The following PDS5B variants were observed in gnomAD, a reference collection of about 807,000 sequenced individuals.
PDS5B encodes the protein sister chromatid cohesion protein PDS5 homolog B.
In PDS5B, 51 loss-of-function variants were observed where a neutral mutation model predicts 184.1. That is an observed-to-expected ratio of 0.28 (90% CI 0.22 to 0.35). The LOEUF (loss-of-function observed/expected upper bound fraction) is 0.35, where lower values mean the gene tolerates loss of function less well. PDS5B is among the 10% of genes least tolerant of loss of function. PDS5B has a pLI of 1.00. For synonymous variants in PDS5B, 566 were observed against 569.2 expected, an observed-to-expected ratio of 0.99 and a Z score of 0.08; for missense variants, 1,180 against 1,723.3, an observed-to-expected ratio of 0.68 and a Z score of 5.58.
intron 21 of PDS5B, among the ~76,000 whole-genome samples, chr13:32,737,846 A>G (rs544185878): frequency 6.6e-6 from 1 of 152,220 alleles, no homozygotes; most frequent in African/African-American, 2.4e-5. Flanking sequence ...TTACTCTTCA[A>G]TCCTTTCTAC....
chr13:32,632,542 C>T (rs755776695), intron 1 of PDS5B, among the ~76,000 whole-genome samples: 2 of 152,204 alleles, frequency 1.3e-5, no homozygotes, highest in East Asian at 3.9e-4. Flanking sequence ...AAAATTGGAG[C>T]CCTCATTTGC....
In PDS5B at chr13:32,732,206, G is replaced by C; in HGVS notation, c.2229G>C (p.Gln743His). 6.2e-7 allele frequency: 1 copy of C among 1,606,906 alleles called. No individual in the cohort carries two copies. Among genetic ancestry groups the C allele is most frequent in the African/African-American group, 1.3e-5 (1 of 74,698 alleles). The change falls in exon 20 of 35, where the codon CAG (glutamine) becomes CAC (histidine). Residue 743 changes from glutamine to histidine, a missense_variant. Gln to His is a conservative substitution (Grantham distance 24, BLOSUM62 0). This residue lies in a region of PDS5B where 475 missense variants were observed against 691.5 expected (regional missense o/e 0.69). Coordinates refer to ENST00000315596, the MANE Select transcript of PDS5B (RefSeq NM_015032.4). ...CGATATTTTCTAGTAAAGAGACCCA[G>C]TTTGCACAGATATTTGAGGTAATGA... ...IHAIFSSKET[Q>H]FAQIFEPLHK...
chr13:32,774,969 T>C (rs777382110), intron 34 of PDS5B, 48 bp from the exon 35 acceptor site: 3 of 1,514,916 alleles, frequency 2.0e-6, no homozygotes, highest in East Asian at 2.3e-5. Flanking sequence ...GCATATCTTA[T>C]GCACATATAC....
chr13:32,681,096 C>G (rs1018607267), intron 10 of PDS5B, among the ~76,000 whole-genome samples: 2 of 152,150 alleles, frequency 1.3e-5, no homozygotes. Flanking sequence ...CCTTCTTAGG[C>G]TCATATTGGC....
intron 7 of PDS5B, among the ~76,000 whole-genome samples, chr13:32,670,394 T>G (rs1313226399): frequency 6.6e-6 from 1 of 152,172 alleles, no homozygotes; most frequent in Non-Finnish European, 1.5e-5. Flanking sequence ...TTTTTCCTTT[T>G]TTAAAAAACT....
intron 19 of PDS5B, among the ~76,000 whole-genome samples, chr13:32,723,160 G>A (rs1176340227): frequency 6.6e-6 from 1 of 151,956 alleles, no homozygotes; most frequent in Non-Finnish European, 1.5e-5. Context: ...AAAGAATAGT[G>A]CTTAGCAATA....
rs1593440334 is a variant in PDS5B at position 32,692,414 on chromosome 13, C to CTTTTTTTTTTTTTTTTTTTTTTTTTT, written c.1470-1809_1470-1808insTTTTTTTTTTTTTTTTTTTTTTTTTT. ...ATTAAACAAGTTTGCGTCCAAAAAG[C>CTTTTTTTTTTTTTTTTTTTTTTTTTT]CTTTTTTTTTTTTTTTTTTTTTTTT... On this transcript the variant is annotated intron_variant, in intron 13 of 34. Coordinates refer to ENST00000315596, the MANE Select transcript of PDS5B (RefSeq NM_015032.4). Among the ~76,000 whole-genome samples the CTTTTTTTTTTTTTTTTTTTTTTTTTT allele has an allele frequency of 3.5e-4, 24 of 69,152 alleles. 11 individuals carry two copies. The highest frequency in any genetic ancestry group is 2.8e-4 in the Non-Finnish European group (10 of 35,740). The allele number at this position is 69,152 out of a possible 152,430, so 45.4% of individuals were successfully genotyped here.
rs931219897 is a variant in PDS5B, at chr13:32,775,539, T to A, written c.*487T>A. On this transcript the variant is annotated 3_prime_UTR_variant, in exon 35 of 35. Transcript: ENST00000315596. ...ATTGGTGTCATTTTCTTGATGTCAC[T>A]ATTTGTTGGAGAGTTAAATGGTCTC... 2.7e-6 allele frequency: 1 copy of A among 376,166 alleles called. No individual in the cohort carries two copies. Among genetic ancestry groups the A allele is most frequent in the African/African-American group, 2.2e-5 (1 of 46,312 alleles). 23.3% of individuals were successfully genotyped at this position (376,166 alleles called of 1,614,324 possible).
chr13:32,750,417 TCTC>T lies in PDS5B; in HGVS notation c.2737-2911_2737-2909del, dbSNP rs1364949295. Among the ~76,000 whole-genome samples, 3 of 152,176 alleles carry T rather than the reference TCTC, an allele frequency of 2.0e-5. No homozygotes were observed. The East Asian group carries it at 5.8e-4, about 29-fold the overall frequency. Reference sequence around the variant, plus strand: ...ATAGTAAATCTATAACGGAGACTCCTCTCCTCTGTGGGACTGATACTGAGGGCG... The same window carrying T: ...ATAGTAAATCTATAACGGAGACTCCTCTCTGTGGGACTGATACTGAGGGCG... On this transcript the variant is annotated intron_variant, in intron 24 of 34. Transcript: ENST00000315596.
At chr13:32,756,118 T>A (rs1954168491) in intron 26 of PDS5B, among the ~76,000 whole-genome samples, 162 bp downstream of exon 26, 1 of 152,128 alleles carries the variant, frequency 6.6e-6, no homozygotes, top group African/African-American at 2.4e-5. Flanking sequence ...TCATACCATC[T>A]CTTTATATTA....
At chr13:32,710,175 A>G (rs1356499092) in intron 19 of PDS5B, 69 bp downstream of exon 19, 1 of 1,111,994 alleles carries the variant, frequency 9.0e-7, no homozygotes, top group African/African-American at 1.6e-5. Context: ...TTTATGCAAT[A>G]ATTGGGAATC....
chr13:32,692,251 G>A (rs1028266313), intron 13 of PDS5B, among the ~76,000 whole-genome samples: 1 of 151,752 alleles, frequency 6.6e-6, no homozygotes, highest in Non-Finnish European at 1.5e-5. Flanking sequence ...TTTTGAATAA[G>A]CTCCTAAGTA....
intron 9 of PDS5B, among the ~76,000 whole-genome samples, chr13:32,678,054 C>G (rs888756681): frequency 2.6e-5 from 4 of 151,796 alleles, no homozygotes; most frequent in Admixed American, 1.3e-4. Context: ...GTTTTTAGAT[C>G]TAACTACCAG....
Position 32,753,459 on chromosome 13 carries a change from G to A in PDS5B, c.2864G>A (p.Arg955Lys). 1 of 1,613,954 alleles carries A rather than the reference G, an allele frequency of 6.2e-7. No homozygotes were observed. The highest frequency in any genetic ancestry group is 8.5e-7 in the Non-Finnish European group (1 of 1,179,854). ...GCAAAAGATCCTGTAAAGGAGAGAA[G>A]AGCTCATGCTAGGCAATGTTTGGTG... ...LCAKDPVKER[R>K]AHARQCLVKN... The change falls in exon 25 of 35, where the codon AGA (arginine) becomes AAA (lysine). Residue 955 changes from arginine to lysine, a missense_variant. Coordinates refer to ENST00000315596, the MANE Select transcript of PDS5B (RefSeq NM_015032.4).
intron 6 of PDS5B, among the ~76,000 whole-genome samples, chr13:32,660,377 G>T (rs555663710): frequency 6.6e-5 from 10 of 152,316 alleles, no homozygotes; most frequent in African/African-American, 2.4e-4. Context: ...CTGGGCAAAT[G>T]AACACCTGGC....
chr13:32,600,683 G>A (rs1222804539), intron 1 of PDS5B, among the ~76,000 whole-genome samples: 1 of 152,212 alleles, frequency 6.6e-6, no homozygotes, highest in African/African-American at 2.4e-5. Flanking sequence ...AGGTTGCAGT[G>A]AGCCGAGATC....
chr13:32,756,284 G>A (rs1227402619), intron 26 of PDS5B, among the ~76,000 whole-genome samples: 1 of 151,932 alleles, frequency 6.6e-6, no homozygotes, highest in Non-Finnish European at 1.5e-5. Flanking sequence ...AGATTTTCAT[G>A]TGAGGTCAAT....
chr13:32,676,932 CAAAAAAAAAAA>C (rs4057303), intron 9 of PDS5B, among the ~76,000 whole-genome samples: 3 of 78,796 alleles, frequency 3.8e-5, no homozygotes, highest in South Asian at 9.8e-4. Flanking sequence ...CTCTTGTCTC[CAAAAAAAAAAA>C]AAAAAAAAAA....
In PDS5B at chr13:32,701,291, C is replaced by T. The variant is rs1566346273; in HGVS notation, c.1741-32C>T. The T allele has an allele frequency of 3.5e-6, 4 of 1,129,286 alleles. No individual in the cohort carries two copies. In the South Asian group the frequency reaches 3.9e-5, roughly 11 times the overall value. The allele number at this position is 1,129,286 out of a possible 1,614,324, so 70.0% of individuals were successfully genotyped here. On this transcript the variant is annotated intron_variant, in intron 16 of 34. Transcript: ENST00000315596. Reference sequence around the variant, plus strand: ...TAACATAATGATTTGTTTAAATGTACTTTTGTAATACTGAAATAATCTGTA... The same window carrying T: ...TAACATAATGATTTGTTTAAATGTATTTTTGTAATACTGAAATAATCTGTA...
Sources: allele counts gnomAD v4.1 joint callset (sites outside exome capture counted in the v4.1 genomes callset), GRCh38; gene constraint gnomAD v4.1.1; regional missense constraint gnomAD v4.1.1; transcripts MANE v1.5; gene names NCBI Gene and HGNC (gene_info 2026-07-23, HGNC 2026-07-21).